Variants in GABARAPL1 observed in about 807,000 individuals in gnomAD.
GABARAPL1 encodes gamma-aminobutyric acid receptor-associated protein-like 1.
In GABARAPL1, 4 loss-of-function variants were observed where a neutral mutation model predicts 14.5. That is an observed-to-expected ratio of 0.28 (90% CI 0.14 to 0.63). The LOEUF is 0.63. GABARAPL1 is among the 30% of genes least tolerant of loss of function. GABARAPL1 has a pLI of 0.84. For synonymous variants in GABARAPL1, 47 were observed against 50.6 expected (o/e 0.93, Z 0.30); for missense variants, 82 against 139.2 (o/e 0.59, Z 2.07).
intron 3 of GABARAPL1, 136 bp downstream of exon 3, chr12:10,220,694 G>T: frequency 6.5e-7 from 1 of 1,543,038 alleles, no homozygotes; most frequent in Non-Finnish European, 8.7e-7. Context: ...TCTTACATAT[G>T]GCAGTGTAAG....
chr12:10,213,254 A>C, intron 1 of GABARAPL1, 35 bp downstream of exon 1: 30 of 884,732 alleles, frequency 3.4e-5, no homozygotes, highest in Non-Finnish European at 4.4e-5. Context: ...TGGGAGGGGA[A>C]GGGCCCGCGG....
Position 10,216,103 on chromosome 12 carries a change from G to T in GABARAPL1, c.91-1960G>T, listed in dbSNP as rs116127385. Among the ~76,000 whole-genome samples, 864 of 152,204 alleles carry T rather than the reference G, an allele frequency of 5.7e-3. 8 individuals carry two copies. Among genetic ancestry groups the T allele is most frequent in the African/African-American group, 0.02 (832 of 41,514 alleles). On this transcript the variant is annotated intron_variant, in intron 1 of 3. Transcript: ENST00000266458. ...TTTTCTTTTCAAGCTGGGCACGGTGGCTCACACCTGTAATCGCAGTACTTC... is the reference window on the plus strand; with the variant it reads ...TTTTCTTTTCAAGCTGGGCACGGTGTCTCACACCTGTAATCGCAGTACTTC...
intron 2 of GABARAPL1, among the ~76,000 whole-genome samples, chr12:10,219,462 A>T (rs1405376145): frequency 6.6e-6 from 1 of 152,166 alleles, no homozygotes; most frequent in Non-Finnish European, 1.5e-5. Flanking sequence ...TTCTTAAGCT[A>T]CATTTTTTTA....
intron 1 of GABARAPL1, among the ~76,000 whole-genome samples, chr12:10,216,670 A>T (rs1949091999): frequency 6.7e-6 from 1 of 149,858 alleles, no homozygotes; most frequent in South Asian, 2.1e-4. Flanking sequence ...CTTCCTGAGT[A>T]GCTGGGATTA....
At chr12:10,214,157 G>C (rs1246930625) in intron 1 of GABARAPL1, 1 of 237,808 alleles carries the variant, frequency 4.2e-6, no homozygotes, top group Non-Finnish European at 8.8e-6. Context: ...TGGAGGAGCG[G>C]AGATTTTAAA....
At chr12:10,218,520 C>A (rs1163754854) in intron 2 of GABARAPL1, among the ~76,000 whole-genome samples, 1 of 151,824 alleles carries the variant, frequency 6.6e-6, no homozygotes, top group African/African-American at 2.4e-5. Context: ...TTGCAGTGAG[C>A]CGAGATCATG....
chr12:10,219,340 A>AC (rs968001345), intron 2 of GABARAPL1, among the ~76,000 whole-genome samples: 4 of 151,612 alleles, frequency 2.6e-5, no homozygotes, highest in Admixed American at 2.6e-4. Flanking sequence ...AAACAAAAAA[A>AC]AAAAACCCCA....
At chr12:10,216,187 T>C (rs1949087248) in intron 1 of GABARAPL1, among the ~76,000 whole-genome samples, 1 of 151,940 alleles carries the variant, frequency 6.6e-6, no homozygotes, top group Non-Finnish European at 1.5e-5. Flanking sequence ...CCTGGCATCA[T>C]GGTGAAACCC....
At chr12:10,214,694 T>C (rs1233837394) in intron 1 of GABARAPL1, 8 of 152,194 alleles carry the variant, frequency 5.3e-5, no homozygotes, top group Non-Finnish European at 1.5e-5. Context: ...CACAAAGAAA[T>C]GCAGTAACTT....
rs1242973577 is a variant in GABARAPL1 at position 10,222,548 on chromosome 12, T to G, written c.*696T>G. On this transcript the variant is annotated 3_prime_UTR_variant, in exon 4 of 4. Transcript: ENST00000266458. ...GTTATTAAATAGCATTAAACTGGAA[T>G]TGACAAGAGTGTTGAGCATCCCTGT... 6.6e-6 allele frequency: 1 copy of G among 152,602 alleles called. No homozygotes were observed. The highest frequency in any genetic ancestry group is 1.5e-5 in the Non-Finnish European group (1 of 68,224). The allele number at this position is 152,602 out of a possible 1,614,324, so 9.5% of individuals were successfully genotyped here. A position where few individuals can be genotyped will look rare whatever the true frequency, so the allele number is the denominator to read the frequency against.
In GABARAPL1 at chr12:10,222,117, C is replaced by T. The variant is rs146817622; in HGVS notation, c.*265C>T. 1.7e-4 allele frequency: 82 copies of T among 473,180 alleles called. 1 individual carries two copies. The East Asian group carries it at 3.0e-3, about 17-fold the overall frequency. The allele number at this position is 473,180 out of a possible 1,614,324, so 29.3% of individuals were successfully genotyped here. A position where few individuals can be genotyped will look rare whatever the true frequency, so the allele number is the denominator to read the frequency against. On this transcript the variant is annotated 3_prime_UTR_variant, in exon 4 of 4. Transcript: ENST00000266458. The stretch of plus-strand genomic sequence containing the variant: ...GAGGAATGGGGATGATGTAAGTTTA[C>T]AGTATTCCTGGGGTTTAATTGTTGT...
Position 10,222,155 on chromosome 12 carries a change from A to G in GABARAPL1, c.*303A>G, listed in dbSNP as rs1399667650. The G allele has an allele frequency of 2.7e-6, 1 of 364,328 alleles. No individual in the cohort carries two copies. The highest frequency in any genetic ancestry group is 5.2e-6 in the Non-Finnish European group (1 of 190,774). The allele number at this position is 364,328 out of a possible 1,614,324, so 22.6% of individuals were successfully genotyped here. ...GTTTAATTGTTGTGCAGTTTCATAG[A>G]TGGGTCAGGAGGTGGACAAGTTGGG... On this transcript the variant is annotated 3_prime_UTR_variant, in exon 4 of 4. Coordinates refer to ENST00000266458, the MANE Select transcript of GABARAPL1 (RefSeq NM_031412.4).
At chr12:10,220,881 T>C (rs1949117438) in intron 3 of GABARAPL1, 2 of 1,407,866 alleles carry the variant, frequency 1.4e-6, no homozygotes, top group African/African-American at 1.4e-5. Flanking sequence ...CGTCAGCCCA[T>C]CGCAGTTCCT....
intron 1 of GABARAPL1, among the ~76,000 whole-genome samples, chr12:10,217,561 A>G (rs780433610): frequency 6.6e-6 from 1 of 152,114 alleles, no homozygotes; most frequent in Admixed American, 6.5e-5. Flanking sequence ...GTGAAACCGC[A>G]TCTCTCTTAA....
At position 10,220,460 on chromosome 12, in the gene GABARAPL1, A is replaced by G. The variant is rs937165185; in HGVS notation, c.190A>G (p.Ile64Val). Residue 64 changes from isoleucine to valine, a missense_variant, in exon 3 of 4, where the codon ATC becomes GTC. Transcript: ENST00000266458. ...DLTVGQFYFL[I>V]RKRIHLRPED... ...TCCAGTTGGCCAGTTCTACTTCTTAATCCGGAAGAGAATCCACCTGAGACC... is the reference window on the plus strand; with the variant it reads ...TCCAGTTGGCCAGTTCTACTTCTTAGTCCGGAAGAGAATCCACCTGAGACC... 8 of 1,612,736 alleles carry G rather than the reference A, an allele frequency of 5.0e-6. No homozygotes were observed. The highest frequency in any genetic ancestry group is 6.8e-6 in the Non-Finnish European group (8 of 1,179,940).
At chr12:10,221,036 AT>A (rs1414713798) in intron 3 of GABARAPL1, 1 of 985,084 alleles carries the variant, frequency 1.0e-6, no homozygotes, top group African/African-American at 1.7e-5. Flanking sequence ...CAACTGAAGG[AT>A]TCTCCCCACA....
chr12:10,221,135 A>G, intron 3 of GABARAPL1: 1 of 984,116 alleles, frequency 1.0e-6, no homozygotes, highest in Non-Finnish European at 1.2e-6. Flanking sequence ...GAACAAAACT[A>G]AAACTGTGAA....
At chr12:10,215,951 T>A (rs1474118085) in intron 1 of GABARAPL1, among the ~76,000 whole-genome samples, 2 of 151,772 alleles carry the variant, frequency 1.3e-5, no homozygotes, top group East Asian at 3.9e-4. Context: ...AAGTTCAAAC[T>A]CCCCCCCAAG....
chr12:10,218,155 C>T lies in GABARAPL1; in HGVS notation c.169+14C>T, dbSNP rs377539572. 4.0e-4 allele frequency: 598 copies of T among 1,501,092 alleles called. 5 individuals carry two copies. The South Asian group carries it at 6.5e-3, about 16-fold the overall frequency. 93.0% of individuals were successfully genotyped at this position (1,501,092 alleles called of 1,614,324 possible). A position where few individuals can be genotyped will look rare whatever the true frequency, so the allele number is the denominator to read the frequency against. On this transcript the variant is annotated intron_variant, in intron 2 of 3. Transcript: ENST00000266458. ...CTGACCTTACTGGTAATGCTCTTTG[C>T]CTTCCCTGACCCTTCCTCCGGTGAA...
Sources: gnomAD v4.1 joint callset for allele counts (sites outside exome capture counted in the v4.1 genomes callset) on GRCh38, gnomAD v4.1.1 for gene constraint, MANE v1.5 for transcripts, NCBI Gene and HGNC (gene_info 2026-07-23, HGNC 2026-07-21) for gene names.